The following DCDC1 variants were observed in gnomAD, a reference collection of about 807,000 sequenced individuals.
DCDC1 encodes the protein doublecortin domain-containing protein 1.
A neutral mutation model predicts 178.3 loss-of-function variants in DCDC1; 200 were observed. That is an observed-to-expected ratio of 1.12 (90% CI 1.00 to 1.26). The LOEUF is 1.26. DCDC1 is among the 50% of genes most tolerant of loss of function. DCDC1 has a pLI of 0.00. For missense variants in DCDC1, 1,983 were observed against 1,749.2 expected, an observed-to-expected ratio of 1.13 and a Z score of -2.38; for synonymous variants, 690 against 604.8, an observed-to-expected ratio of 1.14 and a Z score of -2.07.
chr11:31,280,743 T>C (rs1309472178), intron 7 of DCDC1: 1 of 593,684 alleles, frequency 1.7e-6, no homozygotes, highest in Non-Finnish European at 3.2e-6. Context: ...CCGGCAAAGA[T>C]CATTTTTATT....
intron 9 of DCDC1, among the ~76,000 whole-genome samples, chr11:31,214,061 T>C (rs1292184170): frequency 6.6e-6 from 1 of 152,162 alleles, no homozygotes; most frequent in South Asian, 2.1e-4. Flanking sequence ...AATTCACTTA[T>C]AGGATAATTG....
At chr11:30,913,471 G>A (rs980234440) in intron 27 of DCDC1, among the ~76,000 whole-genome samples, 3 of 152,088 alleles carry the variant, frequency 2.0e-5, no homozygotes, top group African/African-American at 7.2e-5. Context: ...AGGGGGACTT[G>A]TGCTTATCAG....
intron 2 of DCDC1, among the ~76,000 whole-genome samples, chr11:31,328,814 A>AAAAAAAAAAAAAAAGGATT (rs1949790978): frequency 5.4e-5 from 8 of 149,342 alleles, no homozygotes; most frequent in African/African-American, 1.8e-4. Flanking sequence ...ACATCTCAAA[A>AAAAAAAAAAAAAAAGGATT]AAAAAAAAAA....
chr11:31,109,995 G>A (rs1204806559), intron 12 of DCDC1, among the ~76,000 whole-genome samples: 1 of 152,118 alleles, frequency 6.6e-6, no homozygotes, highest in Non-Finnish European at 1.5e-5. Flanking sequence ...AAATCCTGAT[G>A]TATCAAAACC....
intron 21 of DCDC1, among the ~76,000 whole-genome samples, chr11:30,942,923 C>T (rs1056552486): frequency 1.3e-5 from 2 of 152,200 alleles, no homozygotes; most frequent in South Asian, 2.1e-4. Context: ...CTTTAATTCT[C>T]GTTCTGGTGT....
intron 20 of DCDC1, among the ~76,000 whole-genome samples, chr11:31,009,261 G>A (rs1952028615): frequency 6.6e-6 from 1 of 152,070 alleles, no homozygotes; most frequent in South Asian, 2.1e-4. Context: ...AGGTATAATA[G>A]TTCATATCCA....
chr11:31,037,868 AG>A lies in DCDC1; in HGVS notation c.2591+26600del, dbSNP rs1954174516. Among the ~76,000 whole-genome samples, 3 of 152,196 alleles carry A rather than the reference AG, an allele frequency of 2.0e-5. No individual in the cohort carries two copies. In the South Asian group the frequency reaches 6.2e-4, roughly 32 times the overall value. On this transcript the variant is annotated intron_variant, in intron 20 of 38. Coordinates refer to ENST00000684477, the MANE Select transcript of DCDC1 (RefSeq NM_001387274.1). The stretch of plus-strand genomic sequence containing the variant: ...CATGGTTTTAAAGGAGATTCAAGCA[AG>A]CATAGTCTTTTATTTAGTGTTTTTT...
intron 2 of DCDC1, among the ~76,000 whole-genome samples, chr11:31,332,383 T>C (rs181618110): frequency 2.6e-5 from 4 of 152,336 alleles, no homozygotes; most frequent in African/African-American, 9.6e-5. Flanking sequence ...TCTCCTTAAG[T>C]TCTGCTCTGA....
chr11:31,092,648 G>A (rs1431694424), intron 16 of DCDC1, among the ~76,000 whole-genome samples: 5 of 152,208 alleles, frequency 3.3e-5, no homozygotes, highest in South Asian at 4.1e-4. Context: ...TATTTTTGAG[G>A]AGATTTTAGA....
chr11:31,221,317 C>T (rs1974236621), intron 9 of DCDC1, among the ~76,000 whole-genome samples: 1 of 152,170 alleles, frequency 6.6e-6, no homozygotes, highest in Non-Finnish European at 1.5e-5. Context: ...AAGTTATATG[C>T]TTCCAAAATA....
chr11:31,304,156 A>G (rs989275071), intron 6 of DCDC1, among the ~76,000 whole-genome samples: 1 of 152,182 alleles, frequency 6.6e-6, no homozygotes, highest in Non-Finnish European at 1.5e-5. Flanking sequence ...AAGCTCAGTC[A>G]TGTGTGTGAC....
At chr11:30,947,757 A>ATT (rs1948139937) in intron 21 of DCDC1, among the ~76,000 whole-genome samples, 1 of 152,184 alleles carries the variant, frequency 6.6e-6, no homozygotes, top group Non-Finnish European at 1.5e-5. Flanking sequence ...AGCAAACGAA[A>ATT]CAATCAACAA....
chr11:31,122,722 T>A (rs1443731311), intron 11 of DCDC1, among the ~76,000 whole-genome samples: 2 of 151,978 alleles, frequency 1.3e-5, no homozygotes, highest in East Asian at 1.9e-4. Context: ...AAGACAAAAA[T>A]GAAAGAAAGA....
At chr11:31,213,604 C>G (rs969709289) in intron 9 of DCDC1, among the ~76,000 whole-genome samples, 2 of 151,646 alleles carry the variant, frequency 1.3e-5, no homozygotes, top group African/African-American at 2.4e-5. Context: ...CCTGTAATCC[C>G]AGCTATTCAG....
At chr11:31,157,332 A>C (rs1286164466) in intron 9 of DCDC1, among the ~76,000 whole-genome samples, 1 of 143,700 alleles carries the variant, frequency 7.0e-6, no homozygotes, top group East Asian at 2.1e-4. Flanking sequence ...TCAAGGTTAC[A>C]GAGAAAGAGC....
chr11:30,952,858 A>G (rs1412802607), intron 20 of DCDC1, among the ~76,000 whole-genome samples: 1 of 152,174 alleles, frequency 6.6e-6, no homozygotes, highest in Non-Finnish European at 1.5e-5. Context: ...TATAATAACA[A>G]TGACATAAAT....
intron 6 of DCDC1, 32 bp downstream of exon 6, chr11:31,305,583 T>G: frequency 1.2e-6 from 2 of 1,609,210 alleles, no homozygotes; most frequent in East Asian, 2.2e-5. Context: ...TCAGTATGTG[T>G]GGGGGTAGGG....
At chr11:31,135,599 A>C (rs1963028722) in intron 10 of DCDC1, among the ~76,000 whole-genome samples, 1 of 152,168 alleles carries the variant, frequency 6.6e-6, no homozygotes, top group Admixed American at 6.5e-5. Context: ...TTCAGAGGCT[A>C]TGGAATATAT....
rs192588199 is a variant in DCDC1 at position 30,903,928 on chromosome 11, C to T, written c.4309-245G>A. 2.6e-3 allele frequency: 821 copies of T among 312,978 alleles called. 7 individuals are homozygous for T. Among genetic ancestry groups the T allele is most frequent in the African/African-American group, 0.016 (734 of 46,912 alleles). 19.4% of individuals were successfully genotyped at this position (312,978 alleles called of 1,614,324 possible). A position where few individuals can be genotyped will look rare whatever the true frequency, so the allele number is the denominator to read the frequency against. ...TCCTATCTCCACAAATTTAACATGG[C>T]AGCTGACATATATTAATATATTTTA... On this transcript the variant is annotated intron_variant, in intron 31 of 38. Transcript: ENST00000684477.
Sources: allele counts gnomAD v4.1 joint callset (sites outside exome capture counted in the v4.1 genomes callset), GRCh38; gene constraint gnomAD v4.1.1; transcripts MANE v1.5; gene names NCBI Gene and HGNC (gene_info 2026-07-23, HGNC 2026-07-21).